The following MSR1 variants were observed in gnomAD, a reference collection of about 807,000 sequenced individuals.
The protein encoded by MSR1 is macrophage scavenger receptor 1.
Under a neutral mutation model 47.2 loss-of-function variants are expected in MSR1, and 53 were observed. The ratio of observed to expected loss-of-function variants is 1.12; its 90% CI spans 0.90 to 1.41. The LOEUF (loss-of-function observed/expected upper bound fraction) is 1.41. Ranked by LOEUF, MSR1 falls within the 40% of genes most tolerant of loss-of-function variation. The probability of loss-of-function intolerance (pLI) is 0.00; values close to 1 mark genes in which losing one functional copy is unlikely to be tolerated. For synonymous variants in MSR1, 239 were observed against 185.6 expected (o/e 1.29, Z -2.34); for missense variants, 786 against 546.9 (o/e 1.44, Z -4.36).
chr8:16,160,894 A>G (rs1157408845), intron 5 of MSR1, among the ~76,000 whole-genome samples: 7 of 151,962 alleles, frequency 4.6e-5, no homozygotes, highest in Non-Finnish European at 1.5e-5. Context: ...CAGGTGACAG[A>G]CCAAGTAGAA....
chr8:16,155,403 T>C (rs1445927889), intron 5 of MSR1, among the ~76,000 whole-genome samples: 1 of 152,052 alleles, frequency 6.6e-6, no homozygotes, highest in Non-Finnish European at 1.5e-5. Context: ...AACACTTTTC[T>C]ATGTTCTGAG....
At chr8:16,114,127 T>C (rs1331890297) in intron 9 of MSR1, among the ~76,000 whole-genome samples, 1 of 152,138 alleles carries the variant, frequency 6.6e-6, no homozygotes, top group Admixed American at 6.5e-5. Flanking sequence ...TTGTGACCCT[T>C]TGATATATTT....
At chr8:16,189,002 C>CAA (rs1802085345) in intron 1 of MSR1, among the ~76,000 whole-genome samples, 1 of 129,148 alleles carries the variant, frequency 7.7e-6, no homozygotes, top group African/African-American at 2.9e-5. Flanking sequence ...ATATATAAAA[C>CAA]AACATATATA....
chr8:16,190,976 C>T (rs1010571146), intron 1 of MSR1, among the ~76,000 whole-genome samples: 1 of 152,168 alleles, frequency 6.6e-6, no homozygotes. Flanking sequence ...CTGCCTTGGC[C>T]TCCCAAAGTG....
chr8:16,170,752 C>A (rs780739470), intron 3 of MSR1, among the ~76,000 whole-genome samples: 35 of 152,090 alleles, frequency 2.3e-4, no homozygotes, highest in Non-Finnish European at 4.0e-4. Context: ...TACATAGGAT[C>A]TAGTTCCCTG....
At position 16,108,774 on chromosome 8, in the gene MSR1, G is replaced by T. The variant is rs576726674; in HGVS notation, c.*1311C>A. 1 of 152,182 alleles carries T rather than the reference G, an allele frequency of 6.6e-6. No homozygotes were observed. The highest frequency in any genetic ancestry group is 2.1e-4 in the South Asian group (1 of 4,812). The allele number at this position is 152,182 out of a possible 1,614,324, so 9.4% of individuals were successfully genotyped here. A position where few individuals can be genotyped will look rare whatever the true frequency, so the allele number is the denominator to read the frequency against. On this transcript the variant is annotated 3_prime_UTR_variant, in exon 10 of 10. Coordinates refer to ENST00000262101, the MANE Select transcript of MSR1 (RefSeq NM_138715.3). The stretch of plus-strand genomic sequence containing the variant: ...AAGGTTTTGCCTTTTTAAGTTGGAC[G>T]GCTGTGAGTCTACCACTTGGTTATT...
At chr8:16,126,312 T>C (rs181910193) in intron 8 of MSR1, among the ~76,000 whole-genome samples, 7 of 152,274 alleles carry the variant, frequency 4.6e-5, no homozygotes, top group South Asian at 2.1e-4. Context: ...TAATCGAACA[T>C]AGAAATGACT....
chr8:16,174,467 C>T (rs1350764012), intron 3 of MSR1, among the ~76,000 whole-genome samples: 2 of 152,176 alleles, frequency 1.3e-5, no homozygotes, highest in Admixed American at 1.3e-4. Context: ...ACGGTGTATA[C>T]AAGCTATCTA....
At chr8:16,117,503 G>A (rs1319522875) in intron 9 of MSR1, among the ~76,000 whole-genome samples, 2 of 152,176 alleles carry the variant, frequency 1.3e-5, no homozygotes, top group Non-Finnish European at 2.9e-5. Context: ...AGAGTCGAAA[G>A]TGAGTTGATG....
At chr8:16,188,728 T>C (rs1217142886) in intron 1 of MSR1, among the ~76,000 whole-genome samples, 1 of 152,004 alleles carries the variant, frequency 6.6e-6, no homozygotes, top group African/African-American at 2.4e-5. Context: ...GCTCTCACTG[T>C]TCAACTGTCA....
At chr8:16,186,858 A>G (rs562694207) in intron 1 of MSR1, among the ~76,000 whole-genome samples, 1 of 151,878 alleles carries the variant, frequency 6.6e-6, no homozygotes, top group East Asian at 2.0e-4. Context: ...CAAGCAATCT[A>G]CCCACCTCAG....
chr8:16,114,265 T>C (rs1009337758), intron 9 of MSR1, among the ~76,000 whole-genome samples: 1 of 151,890 alleles, frequency 6.6e-6, no homozygotes, highest in African/African-American at 2.4e-5. Flanking sequence ...AGAAAATTGA[T>C]TATGGTATGT....
At chr8:16,150,975 A>AT (rs918342088) in intron 6 of MSR1, among the ~76,000 whole-genome samples, 40 of 151,638 alleles carry the variant, frequency 2.6e-4, no homozygotes, top group African/African-American at 9.0e-4. Flanking sequence ...GAAAATGGCT[A>AT]TTTTTTTTAC....
intron 8 of MSR1, among the ~76,000 whole-genome samples, chr8:16,121,370 T>C (rs34874653): frequency 0.032 from 4,891 of 152,228 alleles, 169 homozygotes; most frequent in East Asian, 0.12. Flanking sequence ...CAATAAACTT[T>C]TGTAAAATCT....
intron 3 of MSR1, among the ~76,000 whole-genome samples, chr8:16,174,412 T>A (rs1326523789): frequency 1.3e-5 from 2 of 152,118 alleles, no homozygotes; most frequent in African/African-American, 4.8e-5. Flanking sequence ...ATACATCAAA[T>A]CCATCCAAAA....
intron 5 of MSR1, among the ~76,000 whole-genome samples, chr8:16,161,976 GA>G (rs1801175899): frequency 6.6e-6 from 1 of 151,924 alleles, no homozygotes; most frequent in African/African-American, 2.4e-5. Context: ...CATCCAATAT[GA>G]ATTTCATGTA....
At chr8:16,160,296 G>GT (rs1262862041) in intron 5 of MSR1, among the ~76,000 whole-genome samples, 1 of 152,030 alleles carries the variant, frequency 6.6e-6, no homozygotes, top group Non-Finnish European at 1.5e-5. Flanking sequence ...AGAACTAATG[G>GT]TGGTCTTGGG....
At position 16,109,180 on chromosome 8, in the gene MSR1, C is replaced by CG. The variant is rs796425270; in HGVS notation, c.*904_*905insC. ...GACTAAAGACGCACCCCCCACCCCC[C>CG]CCCCCGCCCTTTGGTTGTAAATGTT... On this transcript the variant is annotated 3_prime_UTR_variant, in exon 10 of 10. Coordinates refer to ENST00000262101, the MANE Select transcript of MSR1 (RefSeq NM_138715.3). 1.5e-5 allele frequency: 2 copies of CG among 131,220 alleles called. No individual in the cohort carries two copies. The highest frequency in any genetic ancestry group is 5.5e-4 in the East Asian group (2 of 3,610). The allele number at this position is 131,220 out of a possible 1,614,324, so 8.1% of individuals were successfully genotyped here. A position where few individuals can be genotyped will look rare whatever the true frequency, so the allele number is the denominator to read the frequency against.
At chr8:16,182,226 A>C (rs1323441259) in intron 1 of MSR1, among the ~76,000 whole-genome samples, 1 of 152,188 alleles carries the variant, frequency 6.6e-6, no homozygotes, top group Non-Finnish European at 1.5e-5. Context: ...TATGGTATAA[A>C]AGATACGAAG....
Sources: gnomAD v4.1 joint callset for allele counts (sites outside exome capture counted in the v4.1 genomes callset) on GRCh38, gnomAD v4.1.1 for gene constraint, MANE v1.5 for transcripts, NCBI Gene and HGNC (gene_info 2026-07-23, HGNC 2026-07-21) for gene names.